Variants in EYA4 observed in about 807,000 individuals in gnomAD.
EYA4 encodes protein phosphatase EYA4.
In EYA4, 31 loss-of-function variants were observed where a neutral mutation model predicts 87.9. The observed-to-expected ratio is 0.35, with a 90% CI of 0.27 to 0.48. EYA4 has a LOEUF of 0.48. Ranked by LOEUF, EYA4 falls within the 20% of genes least tolerant of loss-of-function variation. EYA4 has a pLI of 0.99. For missense variants in EYA4, 678 were observed against 761.4 expected (o/e 0.89, Z 1.29); for synonymous variants, 263 against 270.6 (o/e 0.97, Z 0.28).
chr6:133,441,874 A>G (rs528043993), intron 3 of EYA4, among the ~76,000 whole-genome samples: 5 of 152,176 alleles, frequency 3.3e-5, no homozygotes, highest in African/African-American at 1.2e-4. Flanking sequence ...AAGGCAAAGA[A>G]TCAATACTGA....
intron 3 of EYA4, among the ~76,000 whole-genome samples, chr6:133,402,721 TACAC>T (rs66487611): frequency 4.7e-5 from 7 of 148,254 alleles, no homozygotes; most frequent in East Asian, 4.0e-4. Flanking sequence ...TGAAATGTGA[TACAC>T]ACACACACAC....
intron 13 of EYA4, among the ~76,000 whole-genome samples, chr6:133,494,341 C>T (rs1242870195): frequency 6.6e-6 from 1 of 152,054 alleles, no homozygotes; most frequent in East Asian, 1.9e-4. Context: ...CATATTCTTA[C>T]TTATTTGGAA....
At chr6:133,246,007 A>G (rs1252006105) in intron 1 of EYA4, among the ~76,000 whole-genome samples, 7 of 152,156 alleles carry the variant, frequency 4.6e-5, no homozygotes, top group Admixed American at 6.6e-5. Flanking sequence ...TTACTCCCCT[A>G]ACCCCTTTCA....
At chr6:133,461,371 A>C (rs1271072691) in intron 7 of EYA4, among the ~76,000 whole-genome samples, 191 bp downstream of exon 7, 1 of 152,168 alleles carries the variant, frequency 6.6e-6, no homozygotes, top group Non-Finnish European at 1.5e-5. Flanking sequence ...AAAAATATCA[A>C]GCTCAAATTA....
At chr6:133,335,965 A>G (rs1386566520) in intron 2 of EYA4, among the ~76,000 whole-genome samples, 1 of 152,166 alleles carries the variant, frequency 6.6e-6, no homozygotes, top group Non-Finnish European at 1.5e-5. Flanking sequence ...ATAAAGGATA[A>G]AACATAATGA....
rs778265878 is a variant in EYA4 at position 133,456,584 on chromosome 6, C to G, written c.306C>G (p.Pro102=). The change falls in exon 6 of 20, where the codon CCC becomes CCG. Residue 102 remains proline, a synonymous_variant. Coordinates refer to ENST00000355286, the MANE Select transcript of EYA4 (RefSeq NM_004100.5). ...TMSLLAVKTE[P]LNSSETTATT... ...CTCTTCTTGCAGTCAAAACAGAGCC[C>G]TTGAACAGCAGTGAAACCACAGCCA... is the stretch of plus-strand genomic sequence containing the variant. 29 of 1,613,246 alleles carry G rather than the reference C, an allele frequency of 1.8e-5. No homozygotes were observed. Among genetic ancestry groups the G allele is most frequent in the Admixed American group, 3.3e-5 (2 of 59,972 alleles).
At chr6:133,246,666 A>G (rs1774434244) in intron 1 of EYA4, among the ~76,000 whole-genome samples, 1 of 152,174 alleles carries the variant, frequency 6.6e-6, no homozygotes, top group African/African-American at 2.4e-5. Context: ...AAAAGTGGTC[A>G]CTGTAGTCTT....
At chr6:133,407,646 T>C (rs1330420687) in intron 3 of EYA4, among the ~76,000 whole-genome samples, 1 of 152,162 alleles carries the variant, frequency 6.6e-6, no homozygotes, top group East Asian at 1.9e-4. Flanking sequence ...TTCAATTAAG[T>C]TGAGCCCAGT....
intron 2 of EYA4, among the ~76,000 whole-genome samples, chr6:133,317,625 T>C (rs372917190): frequency 4.0e-4 from 61 of 152,274 alleles, no homozygotes; most frequent in African/African-American, 1.4e-3. Flanking sequence ...TACATCTCAA[T>C]GTTCTGGAGT....
intron 2 of EYA4, among the ~76,000 whole-genome samples, chr6:133,311,737 T>C (rs1780236835): frequency 6.6e-6 from 1 of 152,168 alleles, no homozygotes. Context: ...ATGGTCTGCT[T>C]CTCCTGGATT....
At position 133,438,808 on chromosome 6, in the gene EYA4, C is replaced by T. The variant is rs192731749; in HGVS notation, c.84-7822C>T. Among the ~76,000 whole-genome samples, 24 of 151,882 alleles carry T rather than the reference C, an allele frequency of 1.6e-4. No individual in the cohort carries two copies. The East Asian group carries it at 4.3e-3, about 27-fold the overall frequency. The stretch of plus-strand genomic sequence containing the variant: ...CTGTAATCCCAGCACTTTGGGAGGC[C>T]GAGGTGGGTGGATCACAAGGTCAGG... On this transcript the variant is annotated intron_variant, in intron 3 of 19. Coordinates refer to ENST00000355286, the MANE Select transcript of EYA4 (RefSeq NM_004100.5).
intron 9 of EYA4, among the ~76,000 whole-genome samples, chr6:133,463,701 T>A (rs1794612804): frequency 6.6e-6 from 1 of 152,154 alleles, no homozygotes; most frequent in Non-Finnish European, 1.5e-5. Context: ...AGAATTTTAG[T>A]GACATAGTAA....
At chr6:133,321,233 T>C (rs147563663) in intron 2 of EYA4, among the ~76,000 whole-genome samples, 57 of 152,310 alleles carry the variant, frequency 3.7e-4, no homozygotes, top group East Asian at 2.9e-3. Flanking sequence ...TAGGTATTGA[T>C]TCAGCTTTAT....
chr6:133,394,097 G>A (rs1046323041), intron 3 of EYA4, among the ~76,000 whole-genome samples: 4 of 152,014 alleles, frequency 2.6e-5, no homozygotes, highest in South Asian at 2.1e-4. Context: ...CTTTGTTCAC[G>A]TGTTTATGAA....
chr6:133,412,760 C>T (rs935139191), intron 3 of EYA4, among the ~76,000 whole-genome samples: 2 of 152,150 alleles, frequency 1.3e-5, no homozygotes, highest in African/African-American at 4.8e-5. Context: ...CACTAATCTT[C>T]CAACAGTCTT....
chr6:133,400,291 A>G lies in EYA4; in HGVS notation c.83+17850A>G, dbSNP rs6904937. Reference sequence around the variant, plus strand: ...TCTGGAGGCCAAGGTGGGCGGATCAAGAGGTCAGGAGTTCGAGACCAGCCT... The same window carrying G: ...TCTGGAGGCCAAGGTGGGCGGATCAGGAGGTCAGGAGTTCGAGACCAGCCT... On this transcript the variant is annotated intron_variant, in intron 3 of 19. Coordinates refer to ENST00000355286, the MANE Select transcript of EYA4 (RefSeq NM_004100.5). 7.4e-3 allele frequency among the ~76,000 whole-genome samples: 1,124 copies of G among 152,158 alleles called. 17 individuals are homozygous for G. The highest frequency in any genetic ancestry group is 0.025 in the African/African-American group (1,055 of 41,546).
chr6:133,400,235 C>T (rs900708934), intron 3 of EYA4, among the ~76,000 whole-genome samples: 1 of 152,036 alleles, frequency 6.6e-6, no homozygotes, highest in Non-Finnish European at 1.5e-5. Flanking sequence ...TGCGGTGGGG[C>T]GTGGTGGCTC....
intron 10 of EYA4, among the ~76,000 whole-genome samples, chr6:133,465,718 CACTT>C (rs1479705517): frequency 6.6e-6 from 1 of 152,068 alleles, no homozygotes; most frequent in Non-Finnish European, 1.5e-5. Context: ...AGTTGCTAGA[CACTT>C]ATATATTCTA....
At chr6:133,422,281 C>T (rs1790286170) in intron 3 of EYA4, among the ~76,000 whole-genome samples, 1 of 152,166 alleles carries the variant, frequency 6.6e-6, no homozygotes, top group African/African-American at 2.4e-5. Flanking sequence ...CCCATAAGTG[C>T]ATTCACATTA....
Sources: allele counts gnomAD v4.1 joint callset (sites outside exome capture counted in the v4.1 genomes callset), GRCh38; gene constraint gnomAD v4.1.1; transcripts MANE v1.5; gene names NCBI Gene and HGNC (gene_info 2026-07-23, HGNC 2026-07-21).